The following COG8 variants were observed in gnomAD, a reference collection of about 807,000 sequenced individuals.
COG8 encodes component of oligomeric golgi complex 8, also known as conserved oligomeric Golgi complex subunit 8.
In COG8, 45 loss-of-function variants were observed where a neutral mutation model predicts 46.5. That is an observed-to-expected ratio of 0.97 (90% CI 0.76 to 1.24). The LOEUF (loss-of-function observed/expected upper bound fraction) is 1.24. COG8 is among the 50% of genes most tolerant of loss of function. COG8 has a pLI of 0.00. For synonymous variants in COG8, 407 were observed against 347.8 expected, an observed-to-expected ratio of 1.17 and a Z score of -1.90; for missense variants, 793 against 820.8, an observed-to-expected ratio of 0.97 and a Z score of 0.41.
intron 5 of COG8, chr16:69,330,085 G>A (rs1597219899): frequency 4.4e-6 from 7 of 1,574,046 alleles, no homozygotes; most frequent in African/African-American, 4.1e-5. Flanking sequence ...CCAGGCGGCT[G>A]TCAAGCACTC....
intron 3 of COG8, 41 bp from the exon 4 acceptor site, chr16:69,332,923 C>A: frequency 1.2e-6 from 2 of 1,607,836 alleles, no homozygotes; most frequent in Non-Finnish European, 1.7e-6. Context: ...GACAGCCTAT[C>A]ACCACTGGGA....
Position 69,335,155 on chromosome 16 carries a change from G to A in COG8, c.779C>T (p.Thr260Ile), listed in dbSNP as rs1466020276. The change falls in exon 3 of 6, where the codon ACT (threonine) becomes ATT (isoleucine). Residue 260 changes from threonine (T) to isoleucine (I), a missense_variant. Coordinates refer to ENST00000306875, the MANE Select transcript of COG8 (RefSeq NM_032382.5). ...ATAGGGATCATCATTAGGAATGGCA[G>A]TCAGGATGGACCGGAGCCAAGCATC... ...ARDAWLRSIL[T>I]AIPNDDPYFH... 10 of 1,614,100 alleles carry A rather than the reference G, an allele frequency of 6.2e-6. No individual in the cohort carries two copies. Among genetic ancestry groups the A allele is most frequent in the Non-Finnish European group, 8.5e-6 (10 of 1,180,052 alleles).
In COG8 at chr16:69,327,134, T is replaced by C. The variant is rs1452737587; in HGVS notation, c.*2072A>G. On this transcript the variant is annotated 3_prime_UTR_variant, in exon 6 of 6. Transcript: ENST00000306875. ...CTCCCCATTGGCTGCATCTCTGACC[T>C]TGCACCAGTATCTGGTTGGGATTCC... is the stretch of plus-strand genomic sequence containing the variant. 1 of 151,366 alleles carries C rather than the reference T, an allele frequency of 6.6e-6. No homozygotes were observed. The highest frequency in any genetic ancestry group is 2.4e-5 in the African/African-American group (1 of 41,182). The allele number at this position is 151,366 out of a possible 1,614,324, so 9.4% of individuals were successfully genotyped here.
chr16:69,329,616 G>C (rs903172132), intron 5 of COG8, among the ~76,000 whole-genome samples: 9 of 152,244 alleles, frequency 5.9e-5, no homozygotes, highest in Non-Finnish European at 1.0e-4. Context: ...GAGGCATCCT[G>C]TGGTACCACG....
rs201820336 is a variant in COG8 at position 69,329,066 on chromosome 16, T to G, written c.*140A>C. 65 of 1,612,180 alleles carry G rather than the reference T, an allele frequency of 4.0e-5. No individual in the cohort carries two copies. The African/African-American group carries it at 7.3e-4, about 18-fold the overall frequency. The stretch of plus-strand genomic sequence containing the variant: ...CAATAGACGTTTGTGAACGTCCTGC[T>G]GTCCATTTTGTCAATAAACAGGCAG... On this transcript the variant is annotated 3_prime_UTR_variant, in exon 6 of 6. Coordinates refer to ENST00000306875, the MANE Select transcript of COG8 (RefSeq NM_032382.5).
rs1379905744 is a variant in COG8 at position 69,327,963 on chromosome 16, ACTTTT to A, written c.*1238_*1242del. The A allele has an allele frequency of 6.6e-6, 1 of 151,930 alleles. No individual in the cohort carries two copies. The highest frequency in any genetic ancestry group is 1.5e-5 in the Non-Finnish European group (1 of 67,950). The allele number at this position is 151,930 out of a possible 1,614,324, so 9.4% of individuals were successfully genotyped here. A position where few individuals can be genotyped will look rare whatever the true frequency, so the allele number is the denominator to read the frequency against. ...AAGAAAACTCTACAGCCAGAATCATACTTTTGAGTCTCGCTCTGTCGCCCAGGCTG... is the reference window on the plus strand; with the variant it reads ...AAGAAAACTCTACAGCCAGAATCATAGAGTCTCGCTCTGTCGCCCAGGCTG... On this transcript the variant is annotated 3_prime_UTR_variant, in exon 6 of 6. Coordinates refer to ENST00000306875, the MANE Select transcript of COG8 (RefSeq NM_032382.5).
intron 4 of COG8, 152 bp from the exon 5 acceptor site, chr16:69,331,247 A>T: frequency 1.3e-6 from 1 of 780,270 alleles, no homozygotes. Flanking sequence ...GAGGTCAGGA[A>T]TTCGAGACCA....
chr16:69,331,560 T>G (rs919689266), intron 4 of COG8, among the ~76,000 whole-genome samples: 10 of 149,804 alleles, frequency 6.7e-5, no homozygotes, highest in Non-Finnish European at 3.0e-5. Context: ...TGGAGTGCAG[T>G]GGCGTGATTG....
intron 4 of COG8, among the ~76,000 whole-genome samples, chr16:69,331,567 A>G (rs1015235182): frequency 1.4e-5 from 2 of 145,916 alleles, no homozygotes; most frequent in Non-Finnish European, 3.0e-5. Context: ...CAGTGGCGTG[A>G]TTGCTGCTCA....
chr16:69,329,224 GCAT>G lies in COG8; in HGVS notation c.*27-48_*27-46del, dbSNP rs772560715. ...CCTGGTGAGTGGGAACAGCTGAACT[GCAT>G]CATCCTCAACCTCCCTACCCCTGCC... On this transcript the variant is annotated intron_variant, in intron 5 of 5. Coordinates refer to ENST00000306875, the MANE Select transcript of COG8 (RefSeq NM_032382.5). The G allele has an allele frequency of 1.1e-5, 17 of 1,517,354 alleles. No individual in the cohort carries two copies. The African/African-American group carries it at 2.0e-4, about 17-fold the overall frequency. The allele number at this position is 1,517,354 out of a possible 1,614,324, so 94.0% of individuals were successfully genotyped here.
In COG8 at chr16:69,331,210, G is replaced by A. The variant is rs918056100; in HGVS notation, c.1583-115C>T. On this transcript the variant is annotated intron_variant, in intron 4 of 5. Coordinates refer to ENST00000306875, the MANE Select transcript of COG8 (RefSeq NM_032382.5). ...CGCCTGTAATCCCAGCACTTTGGGA[G>A]GCCGGGGAGGGGGGGGCGGATCACC... The A allele has an allele frequency of 8.0e-6, 9 of 1,131,202 alleles. No individual in the cohort carries two copies. In the South Asian group the frequency reaches 1.1e-4, roughly 13 times the overall value. The allele number at this position is 1,131,202 out of a possible 1,614,324, so 70.1% of individuals were successfully genotyped here. A position where few individuals can be genotyped will look rare whatever the true frequency, so the allele number is the denominator to read the frequency against.
At position 69,329,156 on chromosome 16, in the gene COG8, C is replaced by T. The variant is rs560916783; in HGVS notation, c.*50G>A. On this transcript the variant is annotated 3_prime_UTR_variant, in exon 6 of 6. Coordinates refer to ENST00000306875, the MANE Select transcript of COG8 (RefSeq NM_032382.5). Reference sequence around the variant, plus strand: ...GCCCACCCGCTCGCCTGCCACACCACCTGTTCTCCATTGGGGTCCAGCCCT... The same window carrying T: ...GCCCACCCGCTCGCCTGCCACACCATCTGTTCTCCATTGGGGTCCAGCCCT... 10 of 1,607,536 alleles carry T rather than the reference C, an allele frequency of 6.2e-6. No homozygotes were observed. The South Asian group carries it at 7.8e-5, about 12-fold the overall frequency.
intron 4 of COG8, chr16:69,332,504 T>A (rs971620023): frequency 1.6e-6 from 1 of 633,258 alleles, no homozygotes; most frequent in Admixed American, 2.5e-5. Flanking sequence ...AAGAGGCAAA[T>A]CTATGGCAAC....
intron 1 of COG8, among the ~76,000 whole-genome samples, chr16:69,337,720 T>C (rs1292257340): frequency 6.6e-6 from 1 of 150,792 alleles, no homozygotes; most frequent in Admixed American, 6.6e-5. Flanking sequence ...AGACAGAATA[T>C]GACTCACAAA....
chr16:69,330,654 G>A lies in COG8; in HGVS notation c.*26+159C>T, dbSNP rs973483905. 3.1e-4 allele frequency: 437 copies of A among 1,405,104 alleles called. 3 individuals are homozygous for A. The Middle Eastern group carries it at 3.6e-3, about 12-fold the overall frequency. The allele number at this position is 1,405,104 out of a possible 1,614,324, so 87.0% of individuals were successfully genotyped here. A position where few individuals can be genotyped will look rare whatever the true frequency, so the allele number is the denominator to read the frequency against. The stretch of plus-strand genomic sequence containing the variant: ...GGGAAGCGCCGTCGGCCAGCACACA[G>A]CGAAGCCGCGACTGGATCCCCGCCT... On this transcript the variant is annotated intron_variant, in intron 5 of 5. Transcript: ENST00000306875.
intron 5 of COG8, chr16:69,330,498 C>A: frequency 6.8e-7 from 1 of 1,472,742 alleles, no homozygotes; most frequent in Non-Finnish European, 8.9e-7. Context: ...CGGACACCGA[C>A]GGCTGCCGCC....
intron 1 of COG8, among the ~76,000 whole-genome samples, chr16:69,336,952 T>A (rs2012241654): frequency 6.6e-6 from 1 of 152,206 alleles, no homozygotes; most frequent in Non-Finnish European, 1.5e-5. Flanking sequence ...ATATGCCACT[T>A]GCTGGCTGTG....
In COG8 at chr16:69,329,485, C is replaced by T. The variant is rs115476825; in HGVS notation, c.*27-306G>A. On this transcript the variant is annotated intron_variant, in intron 5 of 5. Coordinates refer to ENST00000306875, the MANE Select transcript of COG8 (RefSeq NM_032382.5). ...CTCCCACTTCTGAGGTACCTGTGGGCTCCCAACTCCTAACAGAGGTTCTGC... is the reference window on the plus strand; with the variant it reads ...CTCCCACTTCTGAGGTACCTGTGGGTTCCCAACTCCTAACAGAGGTTCTGC... 6.7e-3 allele frequency among the ~76,000 whole-genome samples: 1,026 copies of T among 152,332 alleles called. 10 individuals are homozygous for T. Among genetic ancestry groups the T allele is most frequent in the African/African-American group, 0.022 (934 of 41,572 alleles).
chr16:69,329,953 G>A (rs1324300613), intron 5 of COG8: 3 of 1,490,036 alleles, frequency 2.0e-6, no homozygotes, highest in Non-Finnish European at 2.7e-6. Flanking sequence ...GGGCAGAAGA[G>A]ACGCGCGCGC....
Sources: gnomAD v4.1 joint callset for allele counts (sites outside exome capture counted in the v4.1 genomes callset) on GRCh38, gnomAD v4.1.1 for gene constraint, MANE v1.5 for transcripts, NCBI Gene and HGNC (gene_info 2026-07-23, HGNC 2026-07-21) for gene names.